The following ACSBG1 variants were observed in gnomAD, a reference collection of about 807,000 sequenced individuals.
ACSBG1 encodes long-chain-fatty-acid--CoA ligase ACSBG1.
A neutral mutation model predicts 80.2 loss-of-function variants in ACSBG1; 39 were observed. That is an observed-to-expected ratio of 0.49 (90% CI 0.38 to 0.64). The LOEUF is 0.64. Among genes scored for constraint, ACSBG1 ranks in the 30% least tolerant of loss-of-function variants. The pLI is 0.00. For synonymous variants in ACSBG1, 392 were observed against 379.5 expected (o/e 1.03, Z -0.38); for missense variants, 828 against 966.4 (o/e 0.86, Z 1.90).
chr15:78,231,705 C>T (rs547403883), intron 1 of ACSBG1, among the ~76,000 whole-genome samples: 3 of 152,294 alleles, frequency 2.0e-5, no homozygotes, highest in South Asian at 4.1e-4. Flanking sequence ...CCTCCCACCT[C>T]AGCCTCCTGA....
intron 1 of ACSBG1, chr15:78,209,055 G>C: frequency 2.3e-6 from 1 of 443,120 alleles, no homozygotes; most frequent in Non-Finnish European, 4.5e-6. Context: ...GTCCCTGAGG[G>C]TAGGACCCTG....
chr15:78,174,978 T>G (rs2074868477), intron 11 of ACSBG1, among the ~76,000 whole-genome samples: 1 of 152,266 alleles, frequency 6.6e-6, no homozygotes. Flanking sequence ...CTTATTGTTT[T>G]GCAGATGAGG....
chr15:78,188,535 T>C (rs1243707269), intron 5 of ACSBG1, among the ~76,000 whole-genome samples: 21 of 138,230 alleles, frequency 1.5e-4, no homozygotes, highest in South Asian at 2.5e-4. Context: ...TCTACAACTA[T>C]CTGATCTTTG....
intron 2 of ACSBG1, among the ~76,000 whole-genome samples, chr15:78,201,250 G>C (rs963642030): frequency 1.3e-5 from 2 of 152,186 alleles, no homozygotes; most frequent in African/African-American, 4.8e-5. Flanking sequence ...TCTTCTTTGG[G>C]GAAGAATGAG....
rs773160296 is a variant in ACSBG1 at position 78,171,447 on chromosome 15, C to A, written c.2172G>T (p.Met724Ile). The change falls in exon 14 of 14, where the codon ATG becomes ATT. Residue 724 changes from methionine to isoleucine, a missense_variant. Physicochemically the swap from Met to Ile is conservative, Grantham distance 10. Around this residue, in one of 3 missense-constraint regions of ACSBG1, gnomAD observed 201 missense variants for 227.0 expected, o/e 0.89. Coordinates refer to ENST00000258873, the MANE Select transcript of ACSBG1 (RefSeq NM_015162.5). The stretch of plus-strand genomic sequence containing the variant: ...AAACTGCAGGCATAGGCCCTGATTA[C>A]ATTTTTTGCTCTTGGTAAAAGGAGT... ...IIDSFYQEQKM is the reference protein window; with the variant it reads ...IIDSFYQEQKI 10 of 1,613,726 alleles carry A rather than the reference C, an allele frequency of 6.2e-6. No homozygotes were observed. The highest frequency in any genetic ancestry group is 1.3e-5 in the African/African-American group (1 of 74,932).
chr15:78,179,287 G>T (rs2074916119), intron 10 of ACSBG1, among the ~76,000 whole-genome samples: 2 of 152,144 alleles, frequency 1.3e-5, no homozygotes, highest in Non-Finnish European at 2.9e-5. Flanking sequence ...TAGGTTCAGG[G>T]GGCACCTGGG....
In ACSBG1 at chr15:78,170,890, T is replaced by C. The variant is rs1246663273; in HGVS notation, c.*554A>G. 6.5e-6 allele frequency: 1 copy of C among 153,180 alleles called. No individual in the cohort carries two copies. The highest frequency in any genetic ancestry group is 2.4e-5 in the African/African-American group (1 of 41,452). 9.5% of individuals were successfully genotyped at this position (153,180 alleles called of 1,614,324 possible). A position where few individuals can be genotyped will look rare whatever the true frequency, so the allele number is the denominator to read the frequency against. On this transcript the variant is annotated 3_prime_UTR_variant, in exon 14 of 14. Transcript: ENST00000258873. ...TTTAATATTCAAATTATACATTAAA[T>C]AGAATCAAACAGGCAGCAGCAGTTT... is the stretch of plus-strand genomic sequence containing the variant.
At chr15:78,224,449 G>T (rs1389476323) in intron 1 of ACSBG1, among the ~76,000 whole-genome samples, 1 of 152,190 alleles carries the variant, frequency 6.6e-6, no homozygotes, top group African/African-American at 2.4e-5. Context: ...GCCGGGCGTG[G>T]TGGCTCACTC....
At chr15:78,193,382 A>T in intron 5 of ACSBG1, 124 bp downstream of exon 5, 1 of 1,403,612 alleles carries the variant, frequency 7.1e-7, no homozygotes. Flanking sequence ...TGTATGCATT[A>T]GAGGGTTGCC....
At chr15:78,180,029 G>A (rs912209765) in intron 9 of ACSBG1, among the ~76,000 whole-genome samples, 1 of 152,190 alleles carries the variant, frequency 6.6e-6, no homozygotes, top group Non-Finnish European at 1.5e-5. Context: ...AACAGATTCA[G>A]CTGTGTACAG....
intron 2 of ACSBG1, among the ~76,000 whole-genome samples, chr15:78,204,637 A>G (rs1207908551): frequency 6.6e-6 from 1 of 152,228 alleles, no homozygotes; most frequent in Non-Finnish European, 1.5e-5. Context: ...ATCATGGAGA[A>G]GGAATCACTG....
Position 78,178,682 on chromosome 15 carries a change from C to T in ACSBG1, c.1634G>A (p.Trp545Ter), listed in dbSNP as rs755698104. 6.2e-7 allele frequency: 1 copy of T among 1,614,042 alleles called. No homozygotes were observed. ...KTCEAIDEEG[W>*]LHTGDAGRLD... ...GCGGCCAGCATCACCCGTGTGCAGC[C>T]AGCCTTCCTCGTCGATGGCCTCACA... is the stretch of plus-strand genomic sequence containing the variant. Residue 545 changes from tryptophan (W) to a stop codon, truncating the protein, a stop_gained, in exon 11 of 14, where the codon TGG becomes TAG. Coordinates refer to ENST00000258873, the MANE Select transcript of ACSBG1 (RefSeq NM_015162.5). LOFTEE classifies it high-confidence loss of function. This position sits in a 1 kb window ranked among gnomAD's most constrained non-coding sequence, Gnocchi z 4.3.
At chr15:78,180,406 C>T (rs1478234879) in intron 9 of ACSBG1, among the ~76,000 whole-genome samples, 1 of 152,130 alleles carries the variant, frequency 6.6e-6, no homozygotes, top group East Asian at 1.9e-4. Context: ...CTGAAAAGGC[C>T]GGAAAGGCTA....
rs918413979 is a variant in ACSBG1 at position 78,197,808 on chromosome 15, G to C, written c.233-3082C>G. 2.0e-5 allele frequency among the ~76,000 whole-genome samples: 3 copies of C among 151,712 alleles called. No individual in the cohort carries two copies. The East Asian group carries it at 5.8e-4, about 29-fold the overall frequency. On this transcript the variant is annotated intron_variant, in intron 2 of 13. Transcript: ENST00000258873. ...TGCAATGGCCCTCAGAGCATGCCCA[G>C]GGCCTGGCATCCAGTTGCCTCTCAG...
At chr15:78,197,719 T>TAAAA (rs746712543) in intron 2 of ACSBG1, among the ~76,000 whole-genome samples, 7 of 103,348 alleles carry the variant, frequency 6.8e-5, no homozygotes, top group African/African-American at 2.2e-4. Flanking sequence ...ACTCTGTCTT[T>TAAAA]AAAAAAAAAA....
rs542567603 is a variant in ACSBG1 at position 78,174,624 on chromosome 15, G to A, written c.1703-100C>T. ...ACCACAACCCGGAAGCCTCAGCACA[G>A]CTGGAGATGCCCCCTTTCTGGGAGC... On this transcript the variant is annotated intron_variant, in intron 11 of 13. Coordinates refer to ENST00000258873, the MANE Select transcript of ACSBG1 (RefSeq NM_015162.5). 7.9e-6 allele frequency: 11 copies of A among 1,387,670 alleles called. No homozygotes were observed. The East Asian group carries it at 2.3e-4, about 29-fold the overall frequency. 86.0% of individuals were successfully genotyped at this position (1,387,670 alleles called of 1,614,324 possible).
chr15:78,180,934 C>A lies in ACSBG1; in HGVS notation c.1074G>T (p.Gly358=). The change falls in exon 9 of 14, where the codon GGG becomes GGT. Residue 358 remains glycine (G), a splice_region_variant and synonymous_variant. Coordinates refer to ENST00000258873, the MANE Select transcript of ACSBG1 (RefSeq NM_015162.5). ...CCTCCCGCAGCGTGTTCACCAGGCT[C>A]CCCTGTTCACACCAGAAGAGGCAGG... is the stretch of plus-strand genomic sequence containing the variant. The part of the protein sequence containing the change: ...VCFAEPDALK[G]SLVNTLREVE... The A allele has an allele frequency of 6.2e-7, 1 of 1,613,620 alleles. No homozygotes were observed. Among genetic ancestry groups the A allele is most frequent in the Non-Finnish European group, 8.5e-7 (1 of 1,179,664 alleles).
At chr15:78,207,917 T>TCCCCCCCCCCACCCCCCCCCCCCCCA in intron 2 of ACSBG1, 85 bp downstream of exon 2, 1 of 876,066 alleles carries the variant, frequency 1.1e-6, no homozygotes. Context: ...TGTGTGGTGG[T>TCCCCCCCCCCACCCCCCCCCCCCCCA]CCCCCACACC....
At position 78,181,969 on chromosome 15, in the gene ACSBG1, C is replaced by G; in HGVS notation, c.1071G>C (p.Lys357Asn). Residue 357 changes from lysine to asparagine, a missense_variant and splice_region_variant, in exon 8 of 14, where the codon AAG (lysine) becomes AAC (asparagine). Around this residue, in one of 3 missense-constraint regions of ACSBG1, gnomAD observed 271 missense variants for 375.9 expected, o/e 0.72. Coordinates refer to ENST00000258873, the MANE Select transcript of ACSBG1 (RefSeq NM_015162.5). ...QVCFAEPDAL[K>N]GSLVNTLREV... ...GGACACACGGTAAAGGCAGACTGAC[C>G]TTCAGGGCGTCGGGTTCGGCAAAGC... 6.2e-7 allele frequency: 1 copy of G among 1,613,440 alleles called. No individual in the cohort carries two copies.
Sources: allele counts gnomAD v4.1 joint callset (sites outside exome capture counted in the v4.1 genomes callset), GRCh38; gene constraint gnomAD v4.1.1; regional missense constraint gnomAD v4.1.1; non-coding constraint Gnocchi (gnomAD v3.1); transcripts MANE v1.5; gene names NCBI Gene and HGNC (gene_info 2026-07-23, HGNC 2026-07-21).